Variants in SMPD1 observed in about 807,000 individuals in gnomAD.
SMPD1 encodes sphingomyelin phosphodiesterase.
A neutral mutation model predicts 49.7 loss-of-function variants in SMPD1; 47 were observed. That is an observed-to-expected ratio of 0.95 (90% CI 0.75 to 1.21). The LOEUF (loss-of-function observed/expected upper bound fraction) is 1.21, where lower values mean the gene tolerates loss of function less well. Among genes scored for constraint, SMPD1 ranks in the 50% most tolerant of loss-of-function variants. The pLI, the probability that SMPD1 is intolerant of heterozygous loss-of-function variation, is 0.00. For synonymous variants in SMPD1, 336 were observed against 339.6 expected (o/e 0.99, Z 0.12); for missense variants, 811 against 822.2 (o/e 0.99, Z 0.17).
intron 5 of SMPD1, 23 bp from the exon 6 acceptor site, chr11:6,394,175 C>T: frequency 2.5e-6 from 4 of 1,614,140 alleles, no homozygotes; most frequent in Non-Finnish European, 2.5e-6. Context: ...CTTGCCCCTC[C>T]AGTCAGCCCC....
In SMPD1 at chr11:6,393,256, C is replaced by T. The variant is rs369088417; in HGVS notation, c.1132C>T (p.Arg378Cys). The T allele has an allele frequency of 2.5e-5, 40 of 1,613,820 alleles. No individual in the cohort carries two copies. The African/African-American group carries it at 3.9e-4, about 16-fold the overall frequency. ...FYALSPYPGLRLISLNMNFCS... is the reference protein window; with the variant it reads ...FYALSPYPGLCLISLNMNFCS... The stretch of plus-strand genomic sequence containing the variant: ...TGCTCTTTCCCCATACCCCGGTCTC[C>T]GCCTCATCTCTCTCAATATGAATTT... Residue 378 changes from arginine to cysteine, a missense_variant, in exon 3 of 6, where the codon CGC becomes TGC. Arg to Cys is a radical substitution (Grantham distance 180). Transcript: ENST00000342245.
Position 6,394,263 on chromosome 11 carries a change from A to G in SMPD1, c.1552A>G (p.Thr518Ala). The change falls in exon 6 of 6, where the codon ACC becomes GCC. Residue 518 changes from threonine (T) to alanine (A), a missense_variant. Physicochemically the swap from Thr to Ala is moderately conservative, Grantham distance 58. Coordinates refer to ENST00000342245, the MANE Select transcript of SMPD1 (RefSeq NM_000543.5). Reference sequence around the variant, plus strand: ...CTCTCACGTGGTCCTGGACCATGAGACCTACATCCTGAATCTGACCCAGGC... The same window carrying G: ...CTCTCACGTGGTCCTGGACCATGAGGCCTACATCCTGAATCTGACCCAGGC... The part of the protein sequence containing the change: ...GSSHVVLDHE[T>A]YILNLTQANI... 1 of 1,614,150 alleles carries G rather than the reference A, an allele frequency of 6.2e-7. No individual in the cohort carries two copies. The highest frequency in any genetic ancestry group is 8.5e-7 in the Non-Finnish European group (1 of 1,180,014).
In SMPD1 at chr11:6,390,682, C is replaced by G. The variant is rs577769499; in HGVS notation, c.84C>G (p.Pro28=). 4 of 1,611,270 alleles carry G rather than the reference C, an allele frequency of 2.5e-6. No individual in the cohort carries two copies. The highest frequency in any genetic ancestry group is 2.2e-5 in the East Asian group (1 of 44,744). Residue 28 remains proline (P), a synonymous_variant, in exon 1 of 6, where the codon CCC becomes CCG. Transcript: ENST00000342245. ...EQGQDGTAGA[P]GLLWMGLVLA... is the part of the protein sequence containing the mutation. Reference sequence around the variant, plus strand: ...GACAAGACGGGACCGCCGGAGCCCCCGGACTCCTTTGGATGGGCCTGGTGC... The same window carrying G: ...GACAAGACGGGACCGCCGGAGCCCCGGGACTCCTTTGGATGGGCCTGGTGC...
chr11:6,394,336 G>A lies in SMPD1; in HGVS notation c.1625G>A (p.Arg542Gln), dbSNP rs113467489. Residue 542 changes from arginine to glutamine, a missense_variant, in exon 6 of 6, where the codon CGA (arginine) becomes CAA (glutamine). Arg to Gln is a conservative substitution (Grantham distance 43, BLOSUM62 1). Transcript: ENST00000342245. ...IPHWQLLYRA[R>Q]ETYGLPNTLP... ...CACTGGCAGCTTCTCTACAGGGCTC[G>A]AGAAACCTATGGGCTGCCCAACACA... The A allele has an allele frequency of 1.1e-3, 1,740 of 1,614,226 alleles. 8 individuals carry two copies. In the African/African-American group the frequency reaches 0.021, roughly 19 times the overall value.
chr11:6,391,027 G>A (rs1847886952), intron 1 of SMPD1, 111 bp downstream of exon 1: 7 of 1,369,596 alleles, frequency 5.1e-6, no homozygotes, highest in Admixed American at 3.9e-5. Context: ...GGAGAGGGTG[G>A]CATCTACAAT....
chr11:6,390,797 C>G lies in SMPD1; in HGVS notation c.199C>G (p.Gln67Glu), dbSNP rs1057516931. The G allele has an allele frequency of 1.2e-6, 2 of 1,614,046 alleles. No individual in the cohort carries two copies. The highest frequency in any genetic ancestry group is 1.7e-6 in the Non-Finnish European group (2 of 1,180,020). ...APAEAHPLSP[Q>E]GHPARLHRIV... ...GGCAGAGGCTCACCCTCTTTCTCCC[C>G]AAGGCCATCCTGCCAGGTTACATCG... Residue 67 changes from glutamine (Q) to glutamate (E), a missense_variant, in exon 1 of 6, where the codon CAA (glutamine) becomes GAA (glutamate). Coordinates refer to ENST00000342245, the MANE Select transcript of SMPD1 (RefSeq NM_000543.5).
intron 1 of SMPD1, 21 bp from the exon 2 acceptor site, chr11:6,391,363 C>A: frequency 6.2e-7 from 1 of 1,611,590 alleles, no homozygotes; most frequent in South Asian, 1.1e-5. Context: ...GATTTCTCAC[C>A]ATGCGCTCCT....
Position 6,394,322 on chromosome 11 carries a change from T to C in SMPD1, c.1611T>C (p.Leu537=). The C allele has an allele frequency of 1.2e-6, 2 of 1,614,188 alleles. No individual in the cohort carries two copies. The highest frequency in any genetic ancestry group is 1.7e-6 in the Non-Finnish European group (2 of 1,180,024). Residue 537 remains leucine (L), a synonymous_variant, in exon 6 of 6, where the codon CTT becomes CTC. Coordinates refer to ENST00000342245, the MANE Select transcript of SMPD1 (RefSeq NM_000543.5). ...NIPGAIPHWQ[L]LYRARETYGL... is the part of the protein sequence containing the mutation. Reference sequence around the variant, plus strand: ...CGGGAGCCATACCGCACTGGCAGCTTCTCTACAGGGCTCGAGAAACCTATG... The same window carrying C: ...CGGGAGCCATACCGCACTGGCAGCTCCTCTACAGGGCTCGAGAAACCTATG...
In SMPD1 at chr11:6,390,829, G is replaced by T; in HGVS notation, c.231G>T (p.Val77=). 6.2e-7 allele frequency: 1 copy of T among 1,614,128 alleles called. No individual in the cohort carries two copies. Among genetic ancestry groups the T allele is most frequent in the East Asian group, 2.2e-5 (1 of 44,876 alleles). The change falls in exon 1 of 6, where the codon GTG becomes GTT. Residue 77 remains valine (V), a synonymous_variant. Transcript: ENST00000342245. ...ATCCTGCCAGGTTACATCGCATAGTGCCCCGGCTCCGAGATGTCTTTGGGT... is the reference window on the plus strand; with the variant it reads ...ATCCTGCCAGGTTACATCGCATAGTTCCCCGGCTCCGAGATGTCTTTGGGT... ...QGHPARLHRI[V]PRLRDVFGWG...
chr11:6,394,646 GA>G lies in SMPD1; in HGVS notation c.*42del, dbSNP rs775215131. 72 of 1,562,248 alleles carry G rather than the reference GA, an allele frequency of 4.6e-5. No homozygotes were observed. In the South Asian group the frequency reaches 7.6e-4, roughly 16 times the overall value. Reference sequence around the variant, plus strand: ...ACATTTGGGAAAGTTCTTGATGTAGGAAAGGGTGAAAAAGCCCAAATGCTGC... The same window carrying G: ...ACATTTGGGAAAGTTCTTGATGTAGGAAGGGTGAAAAAGCCCAAATGCTGC... On this transcript the variant is annotated 3_prime_UTR_variant, in exon 6 of 6. Coordinates refer to ENST00000342245, the MANE Select transcript of SMPD1 (RefSeq NM_000543.5).
Position 6,394,788 on chromosome 11 carries a change from G to C in SMPD1, c.*181G>C. On this transcript the variant is annotated 3_prime_UTR_variant, in exon 6 of 6. Coordinates refer to ENST00000342245, the MANE Select transcript of SMPD1 (RefSeq NM_000543.5). ...GCTGGTTTAGCTGGATATGGGAGGG[G>C]GTTTGGCTGCCTGTGCCCAGGAGCT... is the stretch of plus-strand genomic sequence containing the variant. 2 of 639,400 alleles carry C rather than the reference G, an allele frequency of 3.1e-6. No individual in the cohort carries two copies. The highest frequency in any genetic ancestry group is 2.7e-5 in the East Asian group (1 of 36,726). The allele number at this position is 639,400 out of a possible 1,614,324, so 39.6% of individuals were successfully genotyped here.
rs2065142951 is a variant in SMPD1 at position 6,394,678 on chromosome 11, T to C, written c.*71T>C. On this transcript the variant is annotated 3_prime_UTR_variant, in exon 6 of 6. Transcript: ENST00000342245. Reference sequence around the variant, plus strand: ...TGAAAAAGCCCAAATGCTGCTGTGGTTCAACCAGGCAAGATCATCCGGTGA... The same window carrying C: ...TGAAAAAGCCCAAATGCTGCTGTGGCTCAACCAGGCAAGATCATCCGGTGA... 7.6e-7 allele frequency: 1 copy of C among 1,312,476 alleles called. No homozygotes were observed. Among genetic ancestry groups the C allele is most frequent in the African/African-American group, 1.4e-5 (1 of 69,372 alleles). 81.3% of individuals were successfully genotyped at this position (1,312,476 alleles called of 1,614,324 possible).
In SMPD1 at chr11:6,394,540, G is replaced by A. The variant is rs140269316; in HGVS notation, c.1829G>A (p.Arg610His). 4.0e-5 allele frequency: 65 copies of A among 1,608,626 alleles called. No homozygotes were observed. The highest frequency in any genetic ancestry group is 5.3e-5 in the African/African-American group (4 of 74,912). ...SARADSPALC[R>H]HLMPDGSLPE... ...CGTGCTGACAGCCCTGCTCTGTGCC[G>A]CCACCTGATGCCAGATGGGAGCCTC... Residue 610 changes from arginine (R) to histidine (H), a missense_variant, in exon 6 of 6, where the codon CGC becomes CAC. Physicochemically the swap from Arg to His is conservative, Grantham distance 29. Transcript: ENST00000342245.
In SMPD1 at chr11:6,394,244, C is replaced by A. The variant is rs540422105; in HGVS notation, c.1533C>A (p.His511Gln). The change falls in exon 6 of 6, where the codon CAC becomes CAA. Residue 511 changes from histidine to glutamine, a missense_variant. By Grantham distance (24) the His-to-Gln change is conservative. Coordinates refer to ENST00000342245, the MANE Select transcript of SMPD1 (RefSeq NM_000543.5). Reference sequence around the variant, plus strand: ...ATGGAAACTACTCCGGGAGCTCTCACGTGGTCCTGGACCATGAGACCTACA... The same window carrying A: ...ATGGAAACTACTCCGGGAGCTCTCAAGTGGTCCTGGACCATGAGACCTACA... ...QIDGNYSGSS[H>Q]VVLDHETYIL... 5.6e-6 allele frequency: 9 copies of A among 1,614,030 alleles called. No homozygotes were observed. The highest frequency in any genetic ancestry group is 7.6e-6 in the Non-Finnish European group (9 of 1,179,998).
At chr11:6,393,716 A>C (rs971074226) in intron 4 of SMPD1, 23 bp downstream of exon 4, 9 of 1,602,136 alleles carry the variant, frequency 5.6e-6, no homozygotes, top group Non-Finnish European at 7.7e-6. Context: ...TGAGGGTGGG[A>C]ATAGGGACAG....
rs769808075 is a variant in SMPD1 at position 6,390,852 on chromosome 11, G to A, written c.254G>A (p.Gly85Glu). 1 of 1,614,184 alleles carries A rather than the reference G, an allele frequency of 6.2e-7. No homozygotes were observed. Among genetic ancestry groups the A allele is most frequent in the Non-Finnish European group, 8.5e-7 (1 of 1,180,034 alleles). The change falls in exon 1 of 6, where the codon GGG (glycine) becomes GAG (glutamate). Residue 85 changes from glycine to glutamate, a missense_variant. Coordinates refer to ENST00000342245, the MANE Select transcript of SMPD1 (RefSeq NM_000543.5). ...RIVPRLRDVF[G>E]WGNLTCPICK... is the part of the protein sequence containing the mutation. ...GTGCCCCGGCTCCGAGATGTCTTTG[G>A]GTGGGGGAACCTCACCTGCCCAATC... is the stretch of plus-strand genomic sequence containing the variant.
chr11:6,391,362 C>G, intron 1 of SMPD1, 22 bp from the exon 2 acceptor site: 1 of 1,611,672 alleles, frequency 6.2e-7, no homozygotes, highest in Non-Finnish European at 8.5e-7. Flanking sequence ...TGATTTCTCA[C>G]CATGCGCTCC....
At chr11:6,391,001 A>C in intron 1 of SMPD1, 85 bp downstream of exon 1, 1 of 1,524,144 alleles carries the variant, frequency 6.6e-7, no homozygotes, top group African/African-American at 1.4e-5. Context: ...CGCTGGGCTC[A>C]GAATGCATCC....
rs777233772 is a variant in SMPD1, at chr11:6,391,830, C to T, written c.765C>T (p.Pro255=). 6.2e-6 allele frequency: 10 copies of T among 1,613,554 alleles called. 1 individual carries two copies. The South Asian group carries it at 1.1e-4, about 18-fold the overall frequency. ...GCGAATACAGCAAGTGTGACCTGCC[C>T]CTGAGGACCCTGGAGAGCCTGTTGA... ...YWGEYSKCDL[P]LRTLESLLSG... is the part of the protein sequence containing the mutation. Residue 255 remains proline (P), a synonymous_variant, in exon 2 of 6, where the codon CCC becomes CCT. Transcript: ENST00000342245.
Sources: gnomAD v4.1 joint callset for allele counts on GRCh38, gnomAD v4.1.1 for gene constraint, MANE v1.5 for transcripts, NCBI Gene and HGNC (gene_info 2026-07-23, HGNC 2026-07-21) for gene names.